The following ADRB3 variants were observed in gnomAD, a reference collection of about 807,000 sequenced individuals.
ADRB3 encodes adrenoceptor beta 3.
In ADRB3, 33 loss-of-function variants were observed where a neutral mutation model predicts 23.8. The observed-to-expected ratio is 1.38, with a 90% confidence interval of 1.05 to 1.85. ADRB3 has a LOEUF of 1.85. Among genes scored for constraint, ADRB3 ranks in the 40% most tolerant of loss-of-function variants. The probability of loss-of-function intolerance (pLI) is 0.00; values close to 1 mark genes in which losing one functional copy is unlikely to be tolerated. For missense variants in ADRB3, 600 were observed against 579.6 expected (o/e 1.04, Z -0.36); for synonymous variants, 289 against 273.0 (o/e 1.06, Z -0.58).
Position 37,966,538 on chromosome 8 carries a change from G to A in ADRB3, c.-69C>T. ...GGTCTCCCAAATCACCTGGCTCAGG[G>A]GAGGGGACAGCAAGGCATGAGAGCG... On this transcript the variant is annotated 5_prime_UTR_variant, in exon 1 of 2. Transcript: ENST00000345060. 6.6e-7 allele frequency: 1 copy of A among 1,512,940 alleles called. No individual in the cohort carries two copies. Among genetic ancestry groups the A allele is most frequent in the Non-Finnish European group, 8.8e-7 (1 of 1,135,618 alleles). The allele number at this position is 1,512,940 out of a possible 1,614,324, so 93.7% of individuals were successfully genotyped here. A position where few individuals can be genotyped will look rare whatever the true frequency, so the allele number is the denominator to read the frequency against.
Position 37,963,904 on chromosome 8 carries a change from C to T in ADRB3, c.*314G>A. ...GAGCTCTCTTTGCCCTAAGCACTCA[C>T]TGACTGCACAGGCAAGCCGGGTGAT... On this transcript the variant is annotated 3_prime_UTR_variant, in exon 2 of 2. Transcript: ENST00000345060. 2.9e-6 allele frequency: 1 copy of T among 345,902 alleles called. No individual in the cohort carries two copies. Among genetic ancestry groups the T allele is most frequent in the South Asian group, 3.6e-5 (1 of 28,140 alleles). 21.4% of individuals were successfully genotyped at this position (345,902 alleles called of 1,614,324 possible).
Position 37,965,862 on chromosome 8 carries a change from G to C in ADRB3, c.608C>G (p.Pro203Arg). The C allele has an allele frequency of 6.4e-7, 1 of 1,553,746 alleles. No individual in the cohort carries two copies. Among genetic ancestry groups the C allele is most frequent in the Non-Finnish European group, 8.7e-7 (1 of 1,147,900 alleles). ...PRCCAFASNMPYVLLSSSVSF... is the reference protein window; with the variant it reads ...PRCCAFASNMRYVLLSSSVSF... Reference sequence around the variant, plus strand: ...GACGGAGGAGGACAGCAGCACGTAGGGCATGTTGGAGGCGAAGGCACAGCA... The same window carrying C: ...GACGGAGGAGGACAGCAGCACGTAGCGCATGTTGGAGGCGAAGGCACAGCA... Residue 203 changes from proline (P) to arginine (R), a missense_variant, in exon 1 of 2, where the codon CCC becomes CGC. By Grantham distance (103) the Pro-to-Arg change is moderately radical. Coordinates refer to ENST00000345060, the MANE Select transcript of ADRB3 (RefSeq NM_000025.3).
chr8:37,965,641 G>T lies in ADRB3; in HGVS notation c.829C>A (p.Arg277=), dbSNP rs757885458. 1 of 1,531,664 alleles carries T rather than the reference G, an allele frequency of 6.5e-7. No individual in the cohort carries two copies. The highest frequency in any genetic ancestry group is 1.4e-5 in the African/African-American group (1 of 70,566). 94.9% of individuals were successfully genotyped at this position (1,531,664 alleles called of 1,614,324 possible). The change falls in exon 1 of 2, where the codon CGG becomes AGG. Residue 277 remains arginine, a synonymous_variant. Coordinates refer to ENST00000345060, the MANE Select transcript of ADRB3 (RefSeq NM_000025.3). ...AGAGGCAGGAGGCGCGCGGGCCGCC[G>T]GCCGCAGGCGGGCACCCCTTCGGGC... ...APPEGVPACG[R]RPARLLPLRE... is the part of the protein sequence containing the mutation.
rs952363429 is a variant in ADRB3 at position 37,965,400 on chromosome 8, C to T, written c.1070G>A (p.Arg357His). Reference protein sequence around the residue: ...CRSPDFRSAFRRLLCRCGRRL... With the variant: ...CRSPDFRSAFHRLLCRCGRRL... ...ACGGCCGCAGCGGCACAGAAGACGGCGGAAGGCGCTGCGAAAGTCCGGGCT... is the reference window on the plus strand; with the variant it reads ...ACGGCCGCAGCGGCACAGAAGACGGTGGAAGGCGCTGCGAAAGTCCGGGCT... The change falls in exon 1 of 2, where the codon CGC (arginine) becomes CAC (histidine). Residue 357 changes from arginine (R) to histidine (H), a missense_variant. Physicochemically the swap from Arg to His is conservative, Grantham distance 29. Transcript: ENST00000345060. 2 of 1,548,088 alleles carry T rather than the reference C, an allele frequency of 1.3e-6. No individual in the cohort carries two copies. The highest frequency in any genetic ancestry group is 1.2e-5 in the South Asian group (1 of 83,626).
chr8:37,965,504 T>C lies in ADRB3; in HGVS notation c.966A>G (p.Leu322=). 1 of 1,551,894 alleles carries C rather than the reference T, an allele frequency of 6.4e-7. No homozygotes were observed. Among genetic ancestry groups the C allele is most frequent in the Non-Finnish European group, 8.7e-7 (1 of 1,147,398 alleles). The change falls in exon 1 of 2, where the codon CTA becomes CTG. Residue 322 remains leucine, a synonymous_variant. Transcript: ENST00000345060. ...GGGCAAGGAAAGCCGGGCCCGGGACTAGAGAGGGGCCCCCCAGGGCGCGCA... is the reference window on the plus strand; with the variant it reads ...GGGCAAGGAAAGCCGGGCCCGGGACCAGAGAGGGGCCCCCCAGGGCGCGCA... ...NVLRALGGPS[L]VPGPAFLALN... is the part of the protein sequence containing the mutation.
rs2130308101 is a variant in ADRB3 at position 37,963,788 on chromosome 8, T to C, written c.*430A>G. On this transcript the variant is annotated 3_prime_UTR_variant, in exon 2 of 2. Coordinates refer to ENST00000345060, the MANE Select transcript of ADRB3 (RefSeq NM_000025.3). ...AGATAAAACCCCAAATCTTGGTCTT[T>C]TCTACCCTGCTGCTCTCAGCCTGGG... 6.2e-6 allele frequency: 1 copy of C among 161,994 alleles called. No individual in the cohort carries two copies. Among genetic ancestry groups the C allele is most frequent in the South Asian group, 1.8e-4 (1 of 5,602 alleles). 10.0% of individuals were successfully genotyped at this position (161,994 alleles called of 1,614,324 possible).
At chr8:37,964,281 A>T (rs964817082) in intron 1 of ADRB3, 42 bp from the exon 2 acceptor site, 1 of 1,576,962 alleles carries the variant, frequency 6.3e-7, no homozygotes, top group Non-Finnish European at 8.7e-7. Context: ...GGGTGAAAGG[A>T]GCAACAGGTG....
chr8:37,964,255 G>T lies in ADRB3; in HGVS notation c.1206-16C>A. On this transcript the variant is annotated splice_polypyrimidine_tract_variant and intron_variant, in intron 1 of 1. Coordinates refer to ENST00000345060, the MANE Select transcript of ADRB3 (RefSeq NM_000025.3). The stretch of plus-strand genomic sequence containing the variant: ...CCAAGAAGCCCTGGGAAAAAAAGTG[G>T]AGATAATAGACCCTGGGGTGAAAGG... 6.2e-7 allele frequency: 1 copy of T among 1,611,904 alleles called. No homozygotes were observed. The highest frequency in any genetic ancestry group is 8.5e-7 in the Non-Finnish European group (1 of 1,178,370).
rs1563397219 is a variant in ADRB3 at position 37,965,263 on chromosome 8, A to AC, written c.1205+1dup. On this transcript the variant is annotated splice_donor_variant, in intron 1 of 1. Coordinates refer to ENST00000345060, the MANE Select transcript of ADRB3 (RefSeq NM_000025.3). LOFTEE classifies it high-confidence loss of function. ...GCCGGTCCCTCTGCCCCGGTTACCTACCCGTCGAGCCGTTGGCAAAGCCTG... is the reference window on the plus strand; with the variant it reads ...GCCGGTCCCTCTGCCCCGGTTACCTACCCCGTCGAGCCGTTGGCAAAGCCTG... The AC allele has an allele frequency of 2.7e-6, 4 of 1,496,170 alleles. No individual in the cohort carries two copies. Among genetic ancestry groups the AC allele is most frequent in the Non-Finnish European group, 3.5e-6 (4 of 1,134,930 alleles). 92.7% of individuals were successfully genotyped at this position (1,496,170 alleles called of 1,614,324 possible).
Position 37,965,890 on chromosome 8 carries a change from G to A in ADRB3, c.580C>T (p.Arg194Cys), listed in dbSNP as rs1160081331. Reference sequence around the variant, plus strand: ...ATGTTGGAGGCGAAGGCACAGCAGCGCGGGTTGGAGTGGCAGCGCTGCGCC... The same window carrying A: ...ATGTTGGAGGCGAAGGCACAGCAGCACGGGTTGGAGTGGCAGCGCTGCGCC... Reference protein sequence around the residue: ...AEAQRCHSNPRCCAFASNMPY... With the variant: ...AEAQRCHSNPCCCAFASNMPY... Residue 194 changes from arginine (R) to cysteine (C), a missense_variant, in exon 1 of 2, where the codon CGC (arginine) becomes TGC (cysteine). Coordinates refer to ENST00000345060, the MANE Select transcript of ADRB3 (RefSeq NM_000025.3). The A allele has an allele frequency of 2.6e-6, 4 of 1,552,958 alleles. No individual in the cohort carries two copies. The highest frequency in any genetic ancestry group is 3.5e-6 in the Non-Finnish European group (4 of 1,147,556).
In ADRB3 at chr8:37,964,120, G is replaced by T; in HGVS notation, c.*98C>A. The T allele has an allele frequency of 9.0e-7, 1 of 1,107,534 alleles. No homozygotes were observed. The highest frequency in any genetic ancestry group is 1.4e-6 in the Non-Finnish European group (1 of 732,836). The allele number at this position is 1,107,534 out of a possible 1,614,324, so 68.6% of individuals were successfully genotyped here. A position where few individuals can be genotyped will look rare whatever the true frequency, so the allele number is the denominator to read the frequency against. On this transcript the variant is annotated 3_prime_UTR_variant, in exon 2 of 2. Transcript: ENST00000345060. Reference sequence around the variant, plus strand: ...GTCGTCAGGTTCTGGAGGGTAGAGTGTCACAGCCGGGGAATCCCATGGGAC... The same window carrying T: ...GTCGTCAGGTTCTGGAGGGTAGAGTTTCACAGCCGGGGAATCCCATGGGAC...
Position 37,965,342 on chromosome 8 carries a change from G to C in ADRB3, c.1128C>G (p.Arg376=), listed in dbSNP as rs4996. The change falls in exon 1 of 2, where the codon CGC becomes CGG. Residue 376 remains arginine, a synonymous_variant. Transcript: ENST00000345060. ...GAACGCCCGAGGGGAAGAGGGCCGG[G>C]CGGGCGGCGGCGCAGGGCTCCGGAG... ...RLPPEPCAAA[R]PALFPSGVPA... is the part of the protein sequence containing the mutation. The C allele has an allele frequency of 8.4e-6, 13 of 1,543,080 alleles. No individual in the cohort carries two copies. The highest frequency in any genetic ancestry group is 1.0e-5 in the Non-Finnish European group (12 of 1,144,952).
rs1332117387 is a variant in ADRB3, at chr8:37,966,189, G to A, written c.281C>T (p.Ala94Val). The change falls in exon 1 of 2, where the codon GCG becomes GTG. Residue 94 changes from alanine to valine, a missense_variant. By Grantham distance (64) the Ala-to-Val change is moderately conservative (BLOSUM62 0). Transcript: ENST00000345060. ...GTGGCCAGTCAGCGCCAAGGTGGCCGCCGGCGGCACCACCAGGAGTCCCAT... is the reference window on the plus strand; with the variant it reads ...GTGGCCAGTCAGCGCCAAGGTGGCCACCGGCGGCACCACCAGGAGTCCCAT... ...LVMGLLVVPP[A>V]ATLALTGHWP... 2 of 1,611,494 alleles carry A rather than the reference G, an allele frequency of 1.2e-6. No individual in the cohort carries two copies. Among genetic ancestry groups the A allele is most frequent in the African/African-American group, 1.3e-5 (1 of 75,030 alleles).
At chr8:37,964,786 G>A (rs566463809) in intron 1 of ADRB3, among the ~76,000 whole-genome samples, 1 of 152,198 alleles carries the variant, frequency 6.6e-6, no homozygotes, top group East Asian at 1.9e-4. Flanking sequence ...TTTAAAAATA[G>A]CTGGGATTGG....
chr8:37,963,033 T>C lies in ADRB3; in HGVS notation c.*1185A>G, dbSNP rs553273111. 1 of 152,242 alleles carries C rather than the reference T, an allele frequency of 6.6e-6. No homozygotes were observed. Among genetic ancestry groups the C allele is most frequent in the East Asian group, 1.9e-4 (1 of 5,186 alleles). The allele number at this position is 152,242 out of a possible 1,614,324, so 9.4% of individuals were successfully genotyped here. ...TTTTACTTTAAGAGGATAATACAGA[T>C]TTTTGTAGCTGGGGAAGGTGAGTGG... On this transcript the variant is annotated 3_prime_UTR_variant, in exon 2 of 2. Transcript: ENST00000345060.
In ADRB3 at chr8:37,963,030, A is replaced by G. The variant is rs1282865473; in HGVS notation, c.*1188T>C. On this transcript the variant is annotated 3_prime_UTR_variant, in exon 2 of 2. Transcript: ENST00000345060. The stretch of plus-strand genomic sequence containing the variant: ...CAGTTTTACTTTAAGAGGATAATAC[A>G]GATTTTTGTAGCTGGGGAAGGTGAG... The G allele has an allele frequency of 6.6e-6, 1 of 152,210 alleles. No homozygotes were observed. The highest frequency in any genetic ancestry group is 6.5e-5 in the Admixed American group (1 of 15,272). The allele number at this position is 152,210 out of a possible 1,614,324, so 9.4% of individuals were successfully genotyped here. A position where few individuals can be genotyped will look rare whatever the true frequency, so the allele number is the denominator to read the frequency against.
intron 1 of ADRB3, 67 bp from the exon 2 acceptor site, chr8:37,964,306 A>T: frequency 7.1e-7 from 1 of 1,411,686 alleles, no homozygotes; most frequent in Non-Finnish European, 1.0e-6. Flanking sequence ...GAGGGGAATG[A>T]CAGAGATCAG....
Position 37,966,079 on chromosome 8 carries a change from G to C in ADRB3, c.391C>G (p.Leu131Val). 3.1e-6 allele frequency: 5 copies of C among 1,608,800 alleles called. No individual in the cohort carries two copies. The highest frequency in any genetic ancestry group is 4.2e-6 in the Non-Finnish European group (5 of 1,177,720). Residue 131 changes from leucine (L) to valine (V), a missense_variant, in exon 1 of 2, where the codon CTG (leucine) becomes GTG (valine). Transcript: ENST00000345060. ...ACAGCCAGGTAGCGGTCCACGGCCAGGGCGCACAGGGTTTCGATGCTGGCG... is the reference window on the plus strand; with the variant it reads ...ACAGCCAGGTAGCGGTCCACGGCCACGGCGCACAGGGTTTCGATGCTGGCG... ...VTASIETLCA[L>V]AVDRYLAVTN... is the part of the protein sequence containing the mutation.
Position 37,963,275 on chromosome 8 carries a change from C to T in ADRB3, c.*943G>A, listed in dbSNP as rs1563396476. 6.6e-6 allele frequency: 1 copy of T among 152,338 alleles called. No homozygotes were observed. The highest frequency in any genetic ancestry group is 2.4e-5 in the African/African-American group (1 of 41,450). The allele number at this position is 152,338 out of a possible 1,614,324, so 9.4% of individuals were successfully genotyped here. ...CTAAACCTGGCCACAGCCAGCCCATCCCCCTGTGGGCCCTCTGTCCAAGTC... is the reference window on the plus strand; with the variant it reads ...CTAAACCTGGCCACAGCCAGCCCATTCCCCTGTGGGCCCTCTGTCCAAGTC... On this transcript the variant is annotated 3_prime_UTR_variant, in exon 2 of 2. Coordinates refer to ENST00000345060, the MANE Select transcript of ADRB3 (RefSeq NM_000025.3).
Sources: gnomAD v4.1 joint callset for allele counts (sites outside exome capture counted in the v4.1 genomes callset) on GRCh38, gnomAD v4.1.1 for gene constraint, MANE v1.5 for transcripts, NCBI Gene and HGNC (gene_info 2026-07-23, HGNC 2026-07-21) for gene names.